The following ADARB1 variants were observed in gnomAD, a reference collection of about 807,000 sequenced individuals.
The protein encoded by ADARB1 is adenosine deaminase RNA specific B1.
ADARB1 carries 10 observed loss-of-function variants against 52.4 expected under a neutral mutation model. That is an observed-to-expected ratio of 0.19 (90% CI 0.12 to 0.32). The LOEUF (loss-of-function observed/expected upper bound fraction) is 0.32. Among genes scored for constraint, ADARB1 ranks in the 10% least tolerant of loss-of-function variants. The pLI is 1.00. For synonymous variants in ADARB1, 349 were observed against 371.1 expected (o/e 0.94, Z 0.68); for missense variants, 643 against 922.3 (o/e 0.70, Z 3.92).
chr21:45,104,128 C>T (rs973672224), intron 1 of ADARB1, among the ~76,000 whole-genome samples: 6 of 152,180 alleles, frequency 3.9e-5, no homozygotes, highest in Admixed American at 1.3e-4. Flanking sequence ...GTTCTGTTCC[C>T]TTCAGCGGGG....
At chr21:45,187,071 T>G (rs896039052) in intron 8 of ADARB1, among the ~76,000 whole-genome samples, 1 of 152,196 alleles carries the variant, frequency 6.6e-6, no homozygotes, top group African/African-American at 2.4e-5. Context: ...GCCATCGTTA[T>G]TTTGATAGGG....
At chr21:45,137,527 C>T (rs554188593) in intron 2 of ADARB1, among the ~76,000 whole-genome samples, 1 of 152,316 alleles carries the variant, frequency 6.6e-6, no homozygotes, top group Admixed American at 6.5e-5. Context: ...CAACAGTCCC[C>T]TGATGTGTGA....
At chr21:45,161,311 A>T (rs773954490) in intron 2 of ADARB1, among the ~76,000 whole-genome samples, 1 of 152,172 alleles carries the variant, frequency 6.6e-6, no homozygotes, top group African/African-American at 2.4e-5. Flanking sequence ...GCATCCCTGC[A>T]CTCACCAGGG....
rs1032525679 is a variant in ADARB1, at chr21:45,157,612, T to G, written c.-47-13998T>G. Among the ~76,000 whole-genome samples the G allele has an allele frequency of 6.6e-6, 1 of 152,190 alleles. No individual in the cohort carries two copies. The highest frequency in any genetic ancestry group is 2.4e-5 in the African/African-American group (1 of 41,434). On this transcript the variant is annotated intron_variant, in intron 2 of 10. Coordinates refer to ENST00000348831, the MANE Select transcript of ADARB1 (RefSeq NM_001112.4). This position sits in a 1 kb window ranked among gnomAD's most constrained non-coding sequence, Gnocchi z 4.1. ...TGGCTTTCTAAAGCTTGCCATTGCT[T>G]AGGCATGCCTGACTGAGGCGGGAAA...
At chr21:45,132,486 A>G (rs1350690083) in intron 2 of ADARB1, among the ~76,000 whole-genome samples, 5 of 152,204 alleles carry the variant, frequency 3.3e-5, no homozygotes, top group African/African-American at 1.2e-4. Flanking sequence ...AAAAATGTTG[A>G]ATTTCTTTAA....
chr21:45,123,005 G>A (rs1204404145), intron 1 of ADARB1, among the ~76,000 whole-genome samples: 4 of 152,102 alleles, frequency 2.6e-5, no homozygotes, highest in Non-Finnish European at 5.9e-5. Flanking sequence ...CAGCTACTTG[G>A]TCCCATTGTT....
chr21:45,127,503 T>A (rs1173279759), intron 1 of ADARB1, among the ~76,000 whole-genome samples: 1 of 152,190 alleles, frequency 6.6e-6, no homozygotes, highest in Non-Finnish European at 1.5e-5. Context: ...TGACGTGTGT[T>A]GTAGATGAAT....
At chr21:45,085,121 G>T (rs371071428) in intron 1 of ADARB1, among the ~76,000 whole-genome samples, 15 of 152,326 alleles carry the variant, frequency 9.8e-5, no homozygotes, top group African/African-American at 3.6e-4. Flanking sequence ...TTGTGTCATT[G>T]TTTTCCCTTT....
At position 45,206,076 on chromosome 21, in the gene ADARB1, G is replaced by T. The variant is rs560132625; in HGVS notation, c.1747+1340G>T. ...ATAGATAAAACTTGATGGTAGGTAG[G>T]TTGAAATTGTAGCATCAATGTCTTT... On this transcript the variant is annotated intron_variant, in intron 9 of 10. Transcript: ENST00000348831. 4.0e-4 allele frequency among the ~76,000 whole-genome samples: 61 copies of T among 152,344 alleles called. 2 individuals are homozygous for T. In the South Asian group the frequency reaches 0.01, roughly 26 times the overall value.
chr21:45,080,934 A>G (rs1043307076), intron 1 of ADARB1, among the ~76,000 whole-genome samples: 1 of 152,218 alleles, frequency 6.6e-6, no homozygotes, highest in Non-Finnish European at 1.5e-5. Flanking sequence ...TTGCCTGTTA[A>G]CTTGGTAAAA....
intron 1 of ADARB1, among the ~76,000 whole-genome samples, chr21:45,108,583 C>G (rs943234104): frequency 6.6e-6 from 1 of 152,194 alleles, no homozygotes; most frequent in African/African-American, 2.4e-5. Context: ...TGCCCCCGCT[C>G]TACTGTGGAT....
chr21:45,098,873 CAG>C (rs2086882079), intron 1 of ADARB1, among the ~76,000 whole-genome samples: 2 of 152,198 alleles, frequency 1.3e-5, no homozygotes, highest in Non-Finnish European at 2.9e-5. Flanking sequence ...GGACAACTGT[CAG>C]AGCTTATCCT....
intron 2 of ADARB1, chr21:45,134,873 C>T (rs1405648971): frequency 3.8e-6 from 2 of 529,168 alleles, no homozygotes; most frequent in Non-Finnish European, 7.8e-6. Context: ...GCACCCAGCA[C>T]CACACCCCTG....
At chr21:45,125,022 C>T (rs1335586852) in intron 1 of ADARB1, among the ~76,000 whole-genome samples, 1 of 152,030 alleles carries the variant, frequency 6.6e-6, no homozygotes, top group Non-Finnish European at 1.5e-5. Flanking sequence ...GTCTTGAACT[C>T]CTGGGCTCAA....
At chr21:45,177,521 ACT>A (rs1280449701) in intron 4 of ADARB1, 2 of 151,730 alleles carry the variant, frequency 1.3e-5, no homozygotes, top group East Asian at 3.9e-4. Flanking sequence ...AAATCCTAAA[ACT>A]CTCTGATTAT....
chr21:45,188,954 CA>C (rs2092200079), intron 8 of ADARB1, among the ~76,000 whole-genome samples: 1 of 152,186 alleles, frequency 6.6e-6, no homozygotes, highest in East Asian at 1.9e-4. Flanking sequence ...GTGAAAGGCA[CA>C]ATTCACATGG....
Position 45,083,294 on chromosome 21 carries a change from C to G in ADARB1, c.-220+8501C>G, listed in dbSNP as rs557932378. 7.9e-4 allele frequency among the ~76,000 whole-genome samples: 121 copies of G among 152,232 alleles called. 1 individual carries two copies. The highest frequency in any genetic ancestry group is 2.9e-3 in the African/African-American group (119 of 41,532). On this transcript the variant is annotated intron_variant, in intron 1 of 10. Coordinates refer to ENST00000348831, the MANE Select transcript of ADARB1 (RefSeq NM_001112.4). ...CTTCTGAAAACGTATGCTTTTGCTGCCTCCCTACACTGCCCCCCCATCCTA... is the reference window on the plus strand; with the variant it reads ...CTTCTGAAAACGTATGCTTTTGCTGGCTCCCTACACTGCCCCCCCATCCTA...
At chr21:45,109,391 T>A (rs1252068783) in intron 1 of ADARB1, among the ~76,000 whole-genome samples, 1 of 152,282 alleles carries the variant, frequency 6.6e-6, no homozygotes, top group East Asian at 1.9e-4. Flanking sequence ...CATGAATGCT[T>A]TCGTTTAACG....
intron 9 of ADARB1, among the ~76,000 whole-genome samples, chr21:45,218,898 C>G (rs1310285939): frequency 6.6e-6 from 1 of 152,156 alleles, no homozygotes; most frequent in Non-Finnish European, 1.5e-5. Context: ...TCTAAAGATT[C>G]ATATCCCAAA....
Sources: gnomAD v4.1 joint callset for allele counts (sites outside exome capture counted in the v4.1 genomes callset) on GRCh38, gnomAD v4.1.1 for gene constraint, Gnocchi (gnomAD v3.1) non-coding constraint, MANE v1.5 for transcripts, NCBI Gene and HGNC (gene_info 2026-07-23, HGNC 2026-07-21) for gene names.